VCF1: variants seen among roughly 807,000 people sequenced by gnomAD.
VCF1 encodes the protein protein VCF1.
At chr17:73,230,676 C>T in the VCF1 span, among the ~76,000 whole-genome samples, 1 of 152,136 alleles carries the variant, frequency 6.6e-6, no homozygotes, top group South Asian at 2.1e-4. Context: ...GGATTACAGG[C>T]GTGAGCCACC....
the VCF1 span, chr17:73,229,302 C>G: frequency 1.0e-6 from 1 of 985,418 alleles, no homozygotes. Context: ...CTTCTTTCAA[C>G]AATGGTGTTA....
the VCF1 span, among the ~76,000 whole-genome samples, chr17:73,216,587 T>G: frequency 2.6e-5 from 4 of 151,536 alleles, no homozygotes; most frequent in African/African-American, 9.7e-5. Context: ...AAACAGTGGG[T>G]AAAAGGAATC....
chr17:73,229,593 C>T, the VCF1 span: 9 of 985,260 alleles, frequency 9.1e-6, no homozygotes, highest in Middle Eastern at 5.2e-4. Flanking sequence ...GGGCTGGGCA[C>T]GGTGACTCAC....
the VCF1 span, chr17:73,209,719 A>ATGC: frequency 2.5e-4 from 366 of 1,474,492 alleles, no homozygotes; most frequent in African/African-American, 2.2e-3. Flanking sequence ...CGGGCTATTG[A>ATGC]TGCTGCTGCT....
At chr17:73,226,112 A>T in the VCF1 span, among the ~76,000 whole-genome samples, 1 of 151,880 alleles carries the variant, frequency 6.6e-6, no homozygotes, top group Non-Finnish European at 1.5e-5. Context: ...CATGTTGGCC[A>T]GGCTGGTCTC....
At chr17:73,213,553 A>G in the VCF1 span, among the ~76,000 whole-genome samples, 1 of 152,344 alleles carries the variant, frequency 6.6e-6, no homozygotes, top group African/African-American at 2.4e-5. Flanking sequence ...ATCTGGAAGG[A>G]TATATATGAC....
chr17:73,223,910 G>A, the VCF1 span, among the ~76,000 whole-genome samples: 6 of 151,824 alleles, frequency 4.0e-5, no homozygotes, highest in African/African-American at 1.5e-4. Context: ...GAGCCCAGGA[G>A]GTTGAGGCTA....
At chr17:73,207,977 C>T in the VCF1 span, 1 of 1,255,744 alleles carries the variant, frequency 8.0e-7, no homozygotes. Flanking sequence ...AGTCCCTAAG[C>T]ATGGGCTATG....
chr17:73,224,290 A>C, the VCF1 span, among the ~76,000 whole-genome samples: 10 of 143,634 alleles, frequency 7.0e-5, no homozygotes, highest in African/African-American at 2.3e-4. Flanking sequence ...AAAAAACCTT[A>C]AAAAATTAAC....
the VCF1 span, among the ~76,000 whole-genome samples, chr17:73,217,950 C>T: frequency 1.5e-3 from 236 of 152,314 alleles, 1 homozygote; most frequent in African/African-American, 5.2e-3. Flanking sequence ...CCAGCCTGGG[C>T]GACAGAGCGA....
At chr17:73,224,930 G>GACAGGACAGGACAGGACAGCACAGC in the VCF1 span, among the ~76,000 whole-genome samples, 1 of 85,860 alleles carries the variant, frequency 1.2e-5, no homozygotes, top group Admixed American at 1.2e-4. Context: ...GACAGGACAG[G>GACAGGACAGGACAGGACAGCACAGC]ACAGCACAGC....
the VCF1 span, chr17:73,212,823 G>A: frequency 4.3e-6 from 4 of 932,040 alleles, no homozygotes; most frequent in Non-Finnish European, 6.6e-6. Flanking sequence ...TACTATAATA[G>A]CACAAGGGTG....
chr17:73,224,672 C>T, the VCF1 span, among the ~76,000 whole-genome samples: 1 of 152,194 alleles, frequency 6.6e-6, no homozygotes, highest in Admixed American at 6.5e-5. Context: ...CTGCTACAAA[C>T]ATAATCATTT....
chr17:73,214,766 T>A, the VCF1 span, among the ~76,000 whole-genome samples: 2 of 152,188 alleles, frequency 1.3e-5, no homozygotes, highest in Admixed American at 1.3e-4. Context: ...TAGAGAAGTG[T>A]TTACCTTGTC....
At chr17:73,207,687 C>A in the VCF1 span, 3 of 1,293,312 alleles carry the variant, frequency 2.3e-6, no homozygotes, top group Non-Finnish European at 3.0e-6. Context: ...CTTGTTAATA[C>A]ACGTTTCATT....
chr17:73,224,940 C>CACAGCACAGGACAGGACAGGACAGG, the VCF1 span, among the ~76,000 whole-genome samples: 1 of 107,356 alleles, frequency 9.3e-6, no homozygotes, highest in African/African-American at 3.5e-5. Context: ...GACAGCACAG[C>CACAGCACAGGACAGGACAGGACAGG]ACAGCACAGC....
chr17:73,227,332 C>T, the VCF1 span: 4 of 1,251,036 alleles, frequency 3.2e-6, no homozygotes, highest in Admixed American at 1.0e-4. Context: ...ACTTGAATTG[C>T]AAACCATAAC....
chr17:73,222,612 A>T, the VCF1 span, among the ~76,000 whole-genome samples: 1 of 151,764 alleles, frequency 6.6e-6, no homozygotes, highest in Admixed American at 6.6e-5. Flanking sequence ...ACCCATTTCT[A>T]CTAAAAATAC....
the VCF1 span, among the ~76,000 whole-genome samples, chr17:73,229,016 C>G: frequency 6.6e-6 from 1 of 152,120 alleles, no homozygotes; most frequent in African/African-American, 2.4e-5. Context: ...ATAGATCTTT[C>G]CAGGGACAAG....
Sources: allele counts gnomAD v4.1 joint callset (sites outside exome capture counted in the v4.1 genomes callset), GRCh38; gene constraint gnomAD v4.1.1; transcripts MANE v1.5; gene names NCBI Gene and HGNC (gene_info 2026-07-23, HGNC 2026-07-21).